JAKMIP1: variants seen among roughly 807,000 people sequenced by gnomAD.
The protein encoded by JAKMIP1 is janus kinase and microtubule-interacting protein 1.
JAKMIP1 carries 33 observed loss-of-function variants against 113.0 expected under a neutral mutation model. That is an observed-to-expected ratio of 0.29 (90% CI 0.22 to 0.39). The LOEUF (loss-of-function observed/expected upper bound fraction) is 0.39, where lower values mean the gene tolerates loss of function less well. JAKMIP1 is among the 10% of genes least tolerant of loss of function. JAKMIP1 has a pLI of 1.00. For synonymous variants in JAKMIP1, 480 were observed against 459.9 expected (o/e 1.04, Z -0.56); for missense variants, 813 against 1,080.5 (o/e 0.75, Z 3.47).
chr4:6,109,123 C>CA, intron 2 of JAKMIP1, among the ~76,000 whole-genome samples: 1 of 138,438 alleles, frequency 7.2e-6, no homozygotes, highest in Non-Finnish European at 1.6e-5. Context: ...GCCTGGGGCA[C>CA]CTTTTTTTTT....
intron 8 of JAKMIP1, chr4:6,070,009 G>A: frequency 2.5e-6 from 1 of 398,432 alleles, no homozygotes; most frequent in Admixed American, 4.4e-5. Flanking sequence ...CCACAGCCAG[G>A]GACCGCCAGA....
chr4:6,039,318 A>G (rs577438543), intron 18 of JAKMIP1, among the ~76,000 whole-genome samples: 1 of 152,344 alleles, frequency 6.6e-6, no homozygotes, highest in East Asian at 1.9e-4. Flanking sequence ...TGATTCACTG[A>G]ACTTGGCACA....
Position 6,126,095 on chromosome 4 carries a change from AAC to A in JAKMIP1, c.-147-13100_-147-13099del, listed in dbSNP as rs1266191173. Among the ~76,000 whole-genome samples the A allele has an allele frequency of 3.2e-3, 461 of 144,098 alleles. 5 individuals carry two copies. Among genetic ancestry groups the A allele is most frequent in the African/African-American group, 0.011 (429 of 37,858 alleles). The allele number at this position is 144,098 out of a possible 152,430, so 94.5% of individuals were successfully genotyped here. A position where few individuals can be genotyped will look rare whatever the true frequency, so the allele number is the denominator to read the frequency against. ...CACACACAAACACACACCATACAGAAACACACACACACAAACACACACCATGC... is the reference window on the plus strand; with the variant it reads ...CACACACAAACACACACCATACAGAAACACACACACAAACACACACCATGC... On this transcript the variant is annotated intron_variant, in intron 1 of 20. Transcript: ENST00000409021.
chr4:6,133,829 G>A (rs1257639584), intron 1 of JAKMIP1, among the ~76,000 whole-genome samples: 1 of 152,176 alleles, frequency 6.6e-6, no homozygotes, highest in Admixed American at 6.5e-5. Flanking sequence ...TCACTTCTGG[G>A]CTAAAGCTCT....
At position 6,141,504 on chromosome 4, in the gene JAKMIP1, C is replaced by T. The variant is rs1355022462; in HGVS notation, c.-147-28507G>A. ...ACAAAAAACAAAGTGGTAGATGAAA[C>T]CCTTCCTGGGTTGCTGCTTTACAAA... On this transcript the variant is annotated intron_variant, in intron 1 of 20. Transcript: ENST00000409021. The surrounding 1 kb of genome is among the most constrained non-coding windows in gnomAD (Gnocchi z 9.4). Among the ~76,000 whole-genome samples the T allele has an allele frequency of 6.6e-6, 1 of 152,114 alleles. No homozygotes were observed. Among genetic ancestry groups the T allele is most frequent in the Non-Finnish European group, 1.5e-5 (1 of 68,016 alleles).
chr4:6,088,768 C>T lies in JAKMIP1; in HGVS notation c.625-3139G>A, dbSNP rs1296278464. ...AGCTGAGCTCTTAGTGATCCTATCTCGCTGCCCTTGGGATGCTGATGAAAT... is the reference window on the plus strand; with the variant it reads ...AGCTGAGCTCTTAGTGATCCTATCTTGCTGCCCTTGGGATGCTGATGAAAT... On this transcript the variant is annotated intron_variant, in intron 3 of 20. Transcript: ENST00000409021. This position sits in a 1 kb window ranked among gnomAD's most constrained non-coding sequence, Gnocchi z 5.5. Among the ~76,000 whole-genome samples the T allele has an allele frequency of 6.6e-6, 1 of 152,186 alleles. No homozygotes were observed. The highest frequency in any genetic ancestry group is 1.5e-5 in the Non-Finnish European group (1 of 68,042).
intron 1 of JAKMIP1, among the ~76,000 whole-genome samples, chr4:6,152,149 C>A (rs1234902876): frequency 2.0e-5 from 3 of 152,002 alleles, no homozygotes; most frequent in African/African-American, 7.2e-5. Flanking sequence ...AAAGAGGAGA[C>A]AGAGAGAGAG....
At position 6,089,928 on chromosome 4, in the gene JAKMIP1, C is replaced by T. The variant is rs1266409133; in HGVS notation, c.625-4299G>A. 1.3e-5 allele frequency among the ~76,000 whole-genome samples: 2 copies of T among 152,130 alleles called. No homozygotes were observed. Among genetic ancestry groups the T allele is most frequent in the Non-Finnish European group, 2.9e-5 (2 of 68,030 alleles). On this transcript the variant is annotated intron_variant, in intron 3 of 20. Transcript: ENST00000409021. This position sits in a 1 kb window ranked among gnomAD's most constrained non-coding sequence, Gnocchi z 5.3. ...ATACCACGTTAGGGTGGACCCTAAA[C>T]CCACTGACTGGCATCCTTAAAAGAA...
intron 3 of JAKMIP1, among the ~76,000 whole-genome samples, chr4:6,105,089 T>C (rs1713676690): frequency 6.6e-6 from 1 of 151,898 alleles, no homozygotes; most frequent in South Asian, 2.1e-4. Context: ...ATTTGCAATT[T>C]ATATGTTTCC....
At position 6,154,815 on chromosome 4, in the gene JAKMIP1, C is replaced by T. The variant is rs765938069; in HGVS notation, c.-147-41818G>A. ...CTGCCTTTGTATCCAGTGGACAGTC[C>T]TTCCTTCCTCCTCCACTTGGGAAGC... is the stretch of plus-strand genomic sequence containing the variant. On this transcript the variant is annotated intron_variant, in intron 1 of 20. Coordinates refer to ENST00000409021, the MANE Select transcript of JAKMIP1 (RefSeq NM_001099433.2). This position sits in a 1 kb window ranked among gnomAD's most constrained non-coding sequence, Gnocchi z 4.2. Among the ~76,000 whole-genome samples, 9 of 152,150 alleles carry T rather than the reference C, an allele frequency of 5.9e-5. No homozygotes were observed. The highest frequency in any genetic ancestry group is 5.9e-5 in the Non-Finnish European group (4 of 68,024).
chr4:6,028,135 C>T (rs574786739), intron 20 of JAKMIP1, among the ~76,000 whole-genome samples: 1 of 152,360 alleles, frequency 6.6e-6, no homozygotes, highest in Non-Finnish European at 1.5e-5. Flanking sequence ...GCTCTCTGGG[C>T]CTACCTGGGC....
chr4:6,118,030 T>C (rs1002066698), intron 1 of JAKMIP1, among the ~76,000 whole-genome samples: 9 of 152,208 alleles, frequency 5.9e-5, no homozygotes, highest in Admixed American at 2.0e-4. Context: ...CATATCCTTC[T>C]TGGCTGACAG....
chr4:6,149,953 C>T lies in JAKMIP1; in HGVS notation c.-147-36956G>A, dbSNP rs111307154. Among the ~76,000 whole-genome samples the T allele has an allele frequency of 3.3e-3, 496 of 152,292 alleles. 3 individuals are homozygous for T. Among genetic ancestry groups the T allele is most frequent in the African/African-American group, 0.011 (470 of 41,558 alleles). On this transcript the variant is annotated intron_variant, in intron 1 of 20. Coordinates refer to ENST00000409021, the MANE Select transcript of JAKMIP1 (RefSeq NM_001099433.2). ...GGCTTCTCCTCCTGCCTCTGCTCTG[C>T]ACCTTCCACTGCCCCTGCTTACCAG...
chr4:6,090,921 T>C (rs1023092635), intron 3 of JAKMIP1, among the ~76,000 whole-genome samples: 1 of 152,232 alleles, frequency 6.6e-6, no homozygotes, highest in South Asian at 2.1e-4. Flanking sequence ...AAACCCCACG[T>C]TGACCATGAC....
intron 1 of JAKMIP1, among the ~76,000 whole-genome samples, chr4:6,191,363 G>C (rs553081757): frequency 6.6e-6 from 1 of 152,284 alleles, no homozygotes; most frequent in South Asian, 2.1e-4. Flanking sequence ...AACTCATCAC[G>C]GGCCTTAGTG....
chr4:6,100,073 C>A (rs1318544209), intron 3 of JAKMIP1, among the ~76,000 whole-genome samples: 1 of 152,158 alleles, frequency 6.6e-6, no homozygotes, highest in Non-Finnish European at 1.5e-5. Context: ...TTTTATCAAT[C>A]CTATTTAAAT....
rs1713398127 is a variant in JAKMIP1 at position 6,036,102 on chromosome 4, G to A, written c.2181C>T (p.Ile727=). ...KQALDQAYLK[I]QDLEATLYTA... is the part of the protein sequence containing the mutation. ...TGTACAGTGTGGCCTCCAGGTCTTG[G>A]ATTTTCTGAGGACCCCAGATCACAC... Residue 727 remains isoleucine (I), a synonymous_variant, in exon 19 of 21, where the codon ATC becomes ATT. Coordinates refer to ENST00000409021, the MANE Select transcript of JAKMIP1 (RefSeq NM_001099433.2). 1.3e-6 allele frequency: 2 copies of A among 1,548,722 alleles called. No homozygotes were observed. Among genetic ancestry groups the A allele is most frequent in the Non-Finnish European group, 1.7e-6 (2 of 1,144,112 alleles).
At chr4:6,182,246 C>T (rs189307382) in intron 1 of JAKMIP1, among the ~76,000 whole-genome samples, 1 of 151,342 alleles carries the variant, frequency 6.6e-6, no homozygotes, top group Non-Finnish European at 1.5e-5. Context: ...CTCATCTCTA[C>T]AAAATTAAAA....
In JAKMIP1 at chr4:6,049,874, T is replaced by G. The variant is rs1189857230; in HGVS notation, c.1909-2A>C. ...CATAAGTTCAGAAACATTCACATCC[T>G]GGAAGAGATTTCCAACGTTCATTTT... On this transcript the variant is annotated splice_acceptor_variant, in intron 14 of 20. Coordinates refer to ENST00000409021, the MANE Select transcript of JAKMIP1 (RefSeq NM_001099433.2). LOFTEE classifies it high-confidence loss of function. This position sits in a 1 kb window ranked among gnomAD's most constrained non-coding sequence, Gnocchi z 7.0. The G allele has an allele frequency of 6.2e-7, 1 of 1,609,902 alleles. No homozygotes were observed. The highest frequency in any genetic ancestry group is 1.7e-5 in the Admixed American group (1 of 59,962).
Sources: allele counts gnomAD v4.1 joint callset (sites outside exome capture counted in the v4.1 genomes callset), GRCh38; gene constraint gnomAD v4.1.1; non-coding constraint Gnocchi (gnomAD v3.1); transcripts MANE v1.5; gene names NCBI Gene and HGNC (gene_info 2026-07-23, HGNC 2026-07-21).